TSPAN5: variants seen among roughly 807,000 people sequenced by gnomAD.
TSPAN5 encodes tetraspanin-5.
In TSPAN5, 10 loss-of-function variants were observed where a neutral mutation model predicts 37.1. The observed-to-expected ratio is 0.27, with a 90% CI of 0.17 to 0.46. The LOEUF is 0.46. TSPAN5 is among the 20% of genes least tolerant of loss of function. TSPAN5 has a pLI of 1.00. For synonymous variants in TSPAN5, 110 were observed against 118.9 expected (o/e 0.93, Z 0.48); for missense variants, 195 against 326.6 (o/e 0.60, Z 3.11).
chr4:98,636,238 C>T (rs1053197381), intron 1 of TSPAN5, among the ~76,000 whole-genome samples: 6 of 152,190 alleles, frequency 3.9e-5, no homozygotes, highest in African/African-American at 1.4e-4. Context: ...GGACTGACAC[C>T]TGCATACATA....
chr4:98,571,744 A>G (rs915705269), intron 1 of TSPAN5, among the ~76,000 whole-genome samples: 45 of 152,204 alleles, frequency 3.0e-4, no homozygotes, highest in Admixed American at 2.6e-4. Context: ...GCATCAAACT[A>G]TCTACATCAT....
intron 1 of TSPAN5, among the ~76,000 whole-genome samples, chr4:98,576,825 T>C (rs947864062): frequency 6.6e-6 from 1 of 152,240 alleles, no homozygotes; most frequent in Non-Finnish European, 1.5e-5. Flanking sequence ...AGTGGTGCGA[T>C]CTCAGCTCAC....
chr4:98,472,642 G>GACC, intron 7 of TSPAN5, 55 bp from the exon 8 acceptor site: 1 of 1,446,412 alleles, frequency 6.9e-7, no homozygotes, highest in Non-Finnish European at 9.6e-7. Context: ...TTGTTTCCCT[G>GACC]GCCACTGTGT....
intron 1 of TSPAN5, chr4:98,509,999 T>C (rs1165525787): frequency 1.3e-5 from 2 of 152,200 alleles, no homozygotes; most frequent in Admixed American, 1.3e-4. Flanking sequence ...CAGTATTCAC[T>C]GTCCCTCCTG....
intron 2 of TSPAN5, among the ~76,000 whole-genome samples, chr4:98,488,533 G>A (rs1374384605): frequency 1.3e-5 from 2 of 152,182 alleles, no homozygotes; most frequent in Non-Finnish European, 1.5e-5. Context: ...TAGGATTGAG[G>A]TTGTATTCAT....
rs540292562 is a variant in TSPAN5 at position 98,472,464 on chromosome 4, C to T, written c.*58G>A. ...GCAGCTCGAAGATCAGTTCGGCACGCGGGAGGGTCCCGAAAGCTGGGTCTG... is the reference window on the plus strand; with the variant it reads ...GCAGCTCGAAGATCAGTTCGGCACGTGGGAGGGTCCCGAAAGCTGGGTCTG... On this transcript the variant is annotated 3_prime_UTR_variant, in exon 8 of 8. Coordinates refer to ENST00000305798, the MANE Select transcript of TSPAN5 (RefSeq NM_005723.4). 17 of 1,531,210 alleles carry T rather than the reference C, an allele frequency of 1.1e-5. No individual in the cohort carries two copies. Among genetic ancestry groups the T allele is most frequent in the Non-Finnish European group, 1.5e-5 (17 of 1,108,656 alleles). 94.9% of individuals were successfully genotyped at this position (1,531,210 alleles called of 1,614,324 possible).
intron 1 of TSPAN5, among the ~76,000 whole-genome samples, chr4:98,535,824 C>T (rs1003012256): frequency 1.3e-5 from 2 of 152,150 alleles, no homozygotes; most frequent in East Asian, 1.9e-4. Flanking sequence ...TTGATTGATT[C>T]GGCTGTTGAT....
At chr4:98,578,449 A>G (rs1260342303) in intron 1 of TSPAN5, among the ~76,000 whole-genome samples, 2 of 152,020 alleles carry the variant, frequency 1.3e-5, no homozygotes, top group African/African-American at 4.8e-5. Flanking sequence ...TTTTTGAGAC[A>G]GAGTCTTGCT....
At chr4:98,512,000 G>T (rs935354395) in intron 1 of TSPAN5, among the ~76,000 whole-genome samples, 1 of 152,132 alleles carries the variant, frequency 6.6e-6, no homozygotes, top group South Asian at 2.1e-4. Flanking sequence ...GGATCATGAG[G>T]TCAAGAGATC....
At chr4:98,498,124 G>A (rs1753257095) in intron 2 of TSPAN5, among the ~76,000 whole-genome samples, 1 of 152,192 alleles carries the variant, frequency 6.6e-6, no homozygotes, top group South Asian at 2.1e-4. Flanking sequence ...CTTCTCAGCA[G>A]TGACTCCAGC....
At chr4:98,531,201 C>T (rs1331620303) in intron 1 of TSPAN5, among the ~76,000 whole-genome samples, 2 of 152,148 alleles carry the variant, frequency 1.3e-5, no homozygotes, top group African/African-American at 4.8e-5. Flanking sequence ...GGTATTTCTC[C>T]TAATGCTATC....
At chr4:98,476,629 C>T (rs545529041) in intron 5 of TSPAN5, among the ~76,000 whole-genome samples, 169 bp from the exon 6 acceptor site, 99 of 152,236 alleles carry the variant, frequency 6.5e-4, no homozygotes, top group Middle Eastern at 3.4e-3. Context: ...GTCATTATTG[C>T]GACAATCTTC....
At chr4:98,548,011 CAAAAAAAAAAAAAAAAG>C (rs1445697179) in intron 1 of TSPAN5, among the ~76,000 whole-genome samples, 2 of 89,336 alleles carry the variant, frequency 2.2e-5, no homozygotes, top group African/African-American at 8.8e-5. Context: ...GACTCTGTCT[CAAAAAAAAAAAAAAAAG>C]AAAAAGAAAA....
At chr4:98,516,663 G>A (rs1753737543) in intron 1 of TSPAN5, among the ~76,000 whole-genome samples, 1 of 152,210 alleles carries the variant, frequency 6.6e-6, no homozygotes, top group Non-Finnish European at 1.5e-5. Context: ...CAGAAGGTGG[G>A]GCTTAGTGGG....
intron 1 of TSPAN5, among the ~76,000 whole-genome samples, chr4:98,541,413 G>A (rs987261954): frequency 7.9e-5 from 12 of 151,922 alleles, no homozygotes; most frequent in Non-Finnish European, 1.6e-4. Context: ...GGTGGCTCAC[G>A]CCTGTAATTC....
chr4:98,514,346 T>C (rs1753683905), intron 1 of TSPAN5, among the ~76,000 whole-genome samples: 2 of 152,126 alleles, frequency 1.3e-5, no homozygotes, highest in Non-Finnish European at 2.9e-5. Context: ...TCCACACAAA[T>C]GTGCTAAATA....
chr4:98,559,337 T>G (rs549695275), intron 1 of TSPAN5, among the ~76,000 whole-genome samples: 1 of 152,320 alleles, frequency 6.6e-6, no homozygotes, highest in South Asian at 2.1e-4. Context: ...AATATTACTG[T>G]CATAACAGGG....
At chr4:98,579,175 T>C (rs1310745781) in intron 1 of TSPAN5, among the ~76,000 whole-genome samples, 1 of 151,894 alleles carries the variant, frequency 6.6e-6, no homozygotes, top group African/African-American at 2.4e-5. Flanking sequence ...TCCACAACCA[T>C]CCTCCACCCC....
intron 1 of TSPAN5, among the ~76,000 whole-genome samples, chr4:98,573,213 G>A (rs1579001727): frequency 6.6e-6 from 1 of 152,142 alleles, no homozygotes; most frequent in Non-Finnish European, 1.5e-5. Flanking sequence ...ACTAACAATT[G>A]CTAGAAGTTT....
Sources: allele counts gnomAD v4.1 joint callset (sites outside exome capture counted in the v4.1 genomes callset), GRCh38; gene constraint gnomAD v4.1.1; transcripts MANE v1.5; gene names NCBI Gene and HGNC (gene_info 2026-07-23, HGNC 2026-07-21).